Variants in SRL observed in about 807,000 individuals in gnomAD.
SRL encodes sarcalumenin.
A neutral mutation model predicts 39.5 loss-of-function variants in SRL; 23 were observed. That is an observed-to-expected ratio of 0.58 (90% CI 0.42 to 0.82). The LOEUF (loss-of-function observed/expected upper bound fraction) is 0.82. Among genes scored for constraint, SRL ranks in the 40% least tolerant of loss-of-function variants. SRL has a pLI of 0.00. For synonymous variants in SRL, 272 were observed against 237.4 expected, an observed-to-expected ratio of 1.15 and a Z score of -1.34; for missense variants, 592 against 607.8, an observed-to-expected ratio of 0.97 and a Z score of 0.27.
At chr16:4,195,087 G>A (rs2052118081) in intron 5 of SRL, among the ~76,000 whole-genome samples, 1 of 151,936 alleles carries the variant, frequency 6.6e-6, no homozygotes, top group Non-Finnish European at 1.5e-5. Context: ...TAGAGGCGGG[G>A]TTTTGCCATG....
intron 1 of SRL, among the ~76,000 whole-genome samples, chr16:4,239,939 G>A (rs922294010): frequency 1.3e-5 from 2 of 150,520 alleles, no homozygotes; most frequent in African/African-American, 5.0e-5. Context: ...GTGGAAACCG[G>A]GTAAGGCCCC....
chr16:4,193,918 A>G (rs907599528), intron 5 of SRL, among the ~76,000 whole-genome samples: 1 of 149,944 alleles, frequency 6.7e-6, no homozygotes, highest in Non-Finnish European at 1.5e-5. Context: ...ATGTCATTAT[A>G]CCATAATAAT....
chr16:4,236,731 C>A lies in SRL; in HGVS notation c.61+5276G>T, dbSNP rs532866230. ...TGATCTCAGCTCACTGCAACCTCTG[C>A]CTCCCGGGTACAAGCAATTCTCCTG... On this transcript the variant is annotated intron_variant, in intron 1 of 5. Coordinates refer to ENST00000399609, the MANE Select transcript of SRL (RefSeq NM_001098814.2). Among the ~76,000 whole-genome samples, 369 of 152,280 alleles carry A rather than the reference C, an allele frequency of 2.4e-3. 3 individuals are homozygous for A. Among genetic ancestry groups the A allele is most frequent in the Non-Finnish European group, 4.3e-3 (291 of 68,028 alleles).
At chr16:4,231,429 T>C (rs1019678039) in intron 1 of SRL, among the ~76,000 whole-genome samples, 10 of 152,198 alleles carry the variant, frequency 6.6e-5, no homozygotes, top group African/African-American at 2.4e-4. Flanking sequence ...GAGAGCTTCC[T>C]GACACCATTT....
At chr16:4,214,476 G>T (rs538440672) in intron 1 of SRL, among the ~76,000 whole-genome samples, 1 of 152,346 alleles carries the variant, frequency 6.6e-6, no homozygotes, top group South Asian at 2.1e-4. Context: ...CTGTCCCAGA[G>T]AGTGAGGAGC....
At chr16:4,232,925 G>C (rs956529836) in intron 1 of SRL, among the ~76,000 whole-genome samples, 11 of 152,162 alleles carry the variant, frequency 7.2e-5, no homozygotes, top group African/African-American at 2.7e-4. Flanking sequence ...GGGGGAGGCG[G>C]GGGCTCCCAA....
intron 1 of SRL, among the ~76,000 whole-genome samples, chr16:4,209,863 G>C (rs896262713): frequency 6.6e-6 from 1 of 152,170 alleles, no homozygotes; most frequent in African/African-American, 2.4e-5. Flanking sequence ...ATCACCACTA[G>C]GTAGTTAATG....
Position 4,213,404 on chromosome 16 carries a change from CTTTTTTT to C in SRL, c.62-8777_62-8771del, listed in dbSNP as rs1176583909. Among the ~76,000 whole-genome samples the C allele has an allele frequency of 2.0e-3, 140 of 69,560 alleles. 1 individual carries two copies. The highest frequency in any genetic ancestry group is 0.018 in the South Asian group (35 of 1,936). 45.6% of individuals were successfully genotyped at this position (69,560 alleles called of 152,430 possible). A position where few individuals can be genotyped will look rare whatever the true frequency, so the allele number is the denominator to read the frequency against. On this transcript the variant is annotated intron_variant, in intron 1 of 5. Coordinates refer to ENST00000399609, the MANE Select transcript of SRL (RefSeq NM_001098814.2). ...CATCTTTTTTTTTCTTTTTCTTTTTCTTTTTTTTTTTTTTTTTTTTTTTTTTGAGACA... is the reference window on the plus strand; with the variant it reads ...CATCTTTTTTTTTCTTTTTCTTTTTCTTTTTTTTTTTTTTTTTTTGAGACA...
intron 1 of SRL, among the ~76,000 whole-genome samples, chr16:4,218,178 C>A (rs909240715): frequency 6.6e-6 from 1 of 152,152 alleles, no homozygotes; most frequent in Non-Finnish European, 1.5e-5. Context: ...CCTCCCCTTT[C>A]CCCACCACGT....
chr16:4,234,584 G>A (rs1225380755), intron 1 of SRL, among the ~76,000 whole-genome samples: 1 of 152,222 alleles, frequency 6.6e-6, no homozygotes, highest in Non-Finnish European at 1.5e-5. Flanking sequence ...AGCACAGGCT[G>A]CCGCCATCGA....
chr16:4,195,880 C>G (rs2052133847), intron 4 of SRL, 94 bp from the exon 5 acceptor site: 12 of 1,039,156 alleles, frequency 1.2e-5, no homozygotes, highest in East Asian at 2.6e-5. Context: ...CACAGGGAGA[C>G]TTTTGCAACA....
intron 1 of SRL, among the ~76,000 whole-genome samples, chr16:4,229,638 G>C (rs993988511): frequency 5.9e-5 from 9 of 152,070 alleles, no homozygotes; most frequent in African/African-American, 1.9e-4. Context: ...AGATGGGGGA[G>C]TGAGAAAGAG....
intron 1 of SRL, among the ~76,000 whole-genome samples, chr16:4,222,733 G>A (rs559937643): frequency 1.1e-4 from 17 of 152,310 alleles, no homozygotes; most frequent in African/African-American, 3.6e-4. Flanking sequence ...CCTTGCTCCT[G>A]GCCAGCACTT....
At chr16:4,199,404 C>G (rs1348464584) in intron 3 of SRL, among the ~76,000 whole-genome samples, 1 of 119,410 alleles carries the variant, frequency 8.4e-6, no homozygotes, top group Non-Finnish European at 1.6e-5. Context: ...CAGTGTCTCA[C>G]TCTGTCGCCC....
chr16:4,220,217 C>A (rs967960866), intron 1 of SRL, among the ~76,000 whole-genome samples: 2 of 151,678 alleles, frequency 1.3e-5, no homozygotes, highest in African/African-American at 4.8e-5. Flanking sequence ...GAGGCCAGAT[C>A]ACTTGAGGCC....
chr16:4,232,106 C>T (rs1027717090), intron 1 of SRL, among the ~76,000 whole-genome samples: 7 of 152,100 alleles, frequency 4.6e-5, no homozygotes, highest in African/African-American at 7.2e-5. Context: ...GTGTAGACAG[C>T]GCCAAGCAAG....
At chr16:4,194,187 G>C (rs536442607) in intron 5 of SRL, among the ~76,000 whole-genome samples, 2 of 152,156 alleles carry the variant, frequency 1.3e-5, no homozygotes, top group Non-Finnish European at 2.9e-5. Context: ...TTCTAGTCTT[G>C]TGGCCTGGTT....
intron 1 of SRL, among the ~76,000 whole-genome samples, chr16:4,228,530 T>G (rs927037135): frequency 1.3e-5 from 2 of 151,910 alleles, no homozygotes; most frequent in Non-Finnish European, 2.9e-5. Context: ...GGTCAGGAGA[T>G]CGAGACCATC....
intron 1 of SRL, among the ~76,000 whole-genome samples, chr16:4,241,148 C>A (rs1420253790): frequency 6.6e-6 from 1 of 152,146 alleles, no homozygotes; most frequent in East Asian, 1.9e-4. Flanking sequence ...TGAAAAGACT[C>A]GGTGGGCAGT....
Sources: gnomAD v4.1 joint callset for allele counts (sites outside exome capture counted in the v4.1 genomes callset) on GRCh38, gnomAD v4.1.1 for gene constraint, MANE v1.5 for transcripts, NCBI Gene and HGNC (gene_info 2026-07-23, HGNC 2026-07-21) for gene names.